DCAF6: variants seen among roughly 807,000 people sequenced by gnomAD.
DCAF6 encodes DDB1 and CUL4 associated factor 6, also known as DDB1- and CUL4-associated factor 6.
Under a neutral mutation model 125.1 loss-of-function variants are expected in DCAF6, and 54 were observed. The ratio of observed to expected loss-of-function variants is 0.43; its 90% CI spans 0.35 to 0.54. The LOEUF (loss-of-function observed/expected upper bound fraction) is 0.54, where lower values mean the gene tolerates loss of function less well. DCAF6 is among the 20% of genes least tolerant of loss of function. The pLI, the probability that DCAF6 is intolerant of heterozygous loss-of-function variation, is 0.01. For missense variants in DCAF6, 934 were observed against 1,161.7 expected, an observed-to-expected ratio of 0.80 and a Z score of 2.85; for synonymous variants, 371 against 390.4, an observed-to-expected ratio of 0.95 and a Z score of 0.58.
At chr1:168,051,985 A>G (rs920775721) in intron 17 of DCAF6, among the ~76,000 whole-genome samples, 1 of 149,926 alleles carries the variant, frequency 6.7e-6, no homozygotes, top group Non-Finnish European at 1.5e-5. Flanking sequence ...AGTTAAAGTG[A>G]TTTTCCCGCC....
chr1:167,884,982 C>T, the DCAF6 span, among the ~76,000 whole-genome samples: 6 of 152,156 alleles, frequency 3.9e-5, no homozygotes, highest in Non-Finnish European at 8.8e-5. Flanking sequence ...AGGCATGAGC[C>T]ACCATGCCCA....
At chr1:167,928,546 A>G in the DCAF6 span, among the ~76,000 whole-genome samples, 2 of 152,226 alleles carry the variant, frequency 1.3e-5, no homozygotes, top group East Asian at 1.9e-4. Flanking sequence ...TATGGTAGCG[A>G]AAAAACATTC....
At chr1:168,070,322 T>C (rs984986273) in intron 21 of DCAF6, among the ~76,000 whole-genome samples, 1 of 152,092 alleles carries the variant, frequency 6.6e-6, no homozygotes. Context: ...ATGGGTCAGT[T>C]AGTCAACCAC....
intron 4 of DCAF6, among the ~76,000 whole-genome samples, 177 bp from the exon 5 acceptor site, chr1:167,987,318 T>C (rs896620556): frequency 1.8e-4 from 28 of 152,218 alleles, no homozygotes; most frequent in Admixed American, 2.0e-4. Context: ...TTACTTCTTA[T>C]CTATTTCTAT....
At chr1:168,037,543 A>G (rs1687995680) in intron 12 of DCAF6, among the ~76,000 whole-genome samples, 1 of 152,134 alleles carries the variant, frequency 6.6e-6, no homozygotes, top group African/African-American at 2.4e-5. Context: ...GCTCTGTTTA[A>G]TTATGTCTTT....
the DCAF6 span, chr1:167,903,812 A>G: frequency 1.9e-6 from 2 of 1,054,278 alleles, no homozygotes; most frequent in Admixed American, 1.7e-5. Flanking sequence ...GTACTCTATC[A>G]GGTTATAATT....
At chr1:167,970,091 A>G (rs1677071307) in intron 3 of DCAF6, among the ~76,000 whole-genome samples, 1 of 152,106 alleles carries the variant, frequency 6.6e-6, no homozygotes, top group Non-Finnish European at 1.5e-5. Context: ...TTTTCTTATA[A>G]TAGAGAAGAT....
chr1:167,910,215 T>C, the DCAF6 span, among the ~76,000 whole-genome samples: 1 of 152,242 alleles, frequency 6.6e-6, no homozygotes, highest in African/African-American at 2.4e-5. Context: ...GTTTCCTTGT[T>C]GGTACTAAGG....
At chr1:167,899,620 C>T in the DCAF6 span, 1 of 1,613,904 alleles carries the variant, frequency 6.2e-7, no homozygotes, top group South Asian at 1.1e-5. Context: ...ATGTGGCCAG[C>T]AGCCAGTCCT....
At chr1:167,946,626 AT>A (rs1297988980) in intron 1 of DCAF6, among the ~76,000 whole-genome samples, 3 of 152,152 alleles carry the variant, frequency 2.0e-5, no homozygotes, top group African/African-American at 7.2e-5. Flanking sequence ...TATTAAGATG[AT>A]CATATGGTTT....
the DCAF6 span, among the ~76,000 whole-genome samples, chr1:167,922,487 T>C: frequency 2.8e-4 from 42 of 152,180 alleles, no homozygotes; most frequent in South Asian, 2.7e-3. Flanking sequence ...ACTATAAAGA[T>C]ATATTATTAC....
chr1:167,906,647 G>T, the DCAF6 span, among the ~76,000 whole-genome samples: 1 of 151,722 alleles, frequency 6.6e-6, no homozygotes, highest in Admixed American at 6.6e-5. Flanking sequence ...AAAATTGCTG[G>T]GTGTGGTGGC....
At chr1:167,958,088 T>C (rs779507873) in intron 2 of DCAF6, among the ~76,000 whole-genome samples, 1 of 152,164 alleles carries the variant, frequency 6.6e-6, no homozygotes, top group Non-Finnish European at 1.5e-5. Context: ...CTTCATTCTA[T>C]GGGTTGTCTT....
At chr1:167,910,964 C>G in the DCAF6 span, among the ~76,000 whole-genome samples, 2 of 152,176 alleles carry the variant, frequency 1.3e-5, no homozygotes, top group Admixed American at 1.3e-4. Context: ...TTTCTAGCAG[C>G]CCTACTATCA....
At chr1:168,023,283 C>G in intron 12 of DCAF6, 1 of 561,258 alleles carries the variant, frequency 1.8e-6, no homozygotes, top group Non-Finnish European at 3.2e-6. Context: ...ACTTTGAACT[C>G]TCTCCCTATA....
chr1:167,996,352 C>A (rs1448338864), intron 7 of DCAF6, among the ~76,000 whole-genome samples: 3 of 151,892 alleles, frequency 2.0e-5, no homozygotes, highest in Non-Finnish European at 4.4e-5. Flanking sequence ...TGAATTCATT[C>A]TTTCATTTTC....
the DCAF6 span, chr1:167,870,264 T>A: frequency 6.2e-7 from 1 of 1,614,080 alleles, no homozygotes; most frequent in Non-Finnish European, 8.5e-7. Flanking sequence ...CACCTGTGAT[T>A]CTTACCTTGG....
At chr1:167,956,289 C>A (rs1309904986) in intron 2 of DCAF6, among the ~76,000 whole-genome samples, 1 of 151,856 alleles carries the variant, frequency 6.6e-6, no homozygotes, top group Admixed American at 6.6e-5. Context: ...TTGAGTGAAC[C>A]TTGTTTAATA....
intron 9 of DCAF6, among the ~76,000 whole-genome samples, chr1:168,004,319 A>G (rs1224055613): frequency 6.6e-6 from 1 of 152,152 alleles, no homozygotes; most frequent in African/African-American, 2.4e-5. Context: ...AATAGGAAAG[A>G]TTGATTGCTT....
Sources: gnomAD v4.1 joint callset for allele counts (sites outside exome capture counted in the v4.1 genomes callset) on GRCh38, gnomAD v4.1.1 for gene constraint, MANE v1.5 for transcripts, NCBI Gene and HGNC (gene_info 2026-07-23, HGNC 2026-07-21) for gene names.